The following TMTC1 variants were observed in gnomAD, a reference collection of about 807,000 sequenced individuals.
TMTC1 encodes protein O-mannosyl-transferase TMTC1.
In TMTC1, 73 loss-of-function variants were observed where a neutral mutation model predicts 104.8. The ratio of observed to expected loss-of-function variants is 0.70; its 90% CI spans 0.58 to 0.85. TMTC1 has a LOEUF of 0.85. TMTC1 is among the 40% of genes least tolerant of loss of function. TMTC1 has a pLI of 0.00. For synonymous variants in TMTC1, 434 were observed against 428.7 expected (o/e 1.01, Z -0.15); for missense variants, 1,035 against 1,096.1 (o/e 0.94, Z 0.79).
chr12:29,728,563 A>G (rs1452522549), intron 5 of TMTC1, among the ~76,000 whole-genome samples: 2 of 152,132 alleles, frequency 1.3e-5, no homozygotes, highest in African/African-American at 4.8e-5. Context: ...CTCTAACCTA[A>G]GTCCTCTATC....
chr12:29,546,444 A>G (rs995897037), intron 10 of TMTC1, among the ~76,000 whole-genome samples: 48 of 152,178 alleles, frequency 3.2e-4, no homozygotes, highest in Non-Finnish European at 1.2e-4. Flanking sequence ...GGAGTCACCA[A>G]GAAGGGAAGG....
At chr12:29,754,266 T>C (rs567947106) in intron 4 of TMTC1, among the ~76,000 whole-genome samples, 1 of 151,018 alleles carries the variant, frequency 6.6e-6, no homozygotes, top group African/African-American at 2.4e-5. Flanking sequence ...CCATTTAGTA[T>C]GATGAAGGTA....
chr12:29,658,900 T>G (rs1565746347), intron 5 of TMTC1: 1 of 152,224 alleles, frequency 6.6e-6, no homozygotes, highest in Non-Finnish European at 1.5e-5. Flanking sequence ...GTATTAAAAC[T>G]GTCAAATATA....
chr12:29,682,677 C>T lies in TMTC1; in HGVS notation c.939-49341G>A, dbSNP rs151128427. On this transcript the variant is annotated intron_variant, in intron 5 of 17. Transcript: ENST00000539277. Reference sequence around the variant, plus strand: ...ACCACATAATGTATGATTCCATTTACATCACATTCTCAAAGTGACACAAGT... The same window carrying T: ...ACCACATAATGTATGATTCCATTTATATCACATTCTCAAAGTGACACAAGT... Among the ~76,000 whole-genome samples, 3 of 152,270 alleles carry T rather than the reference C, an allele frequency of 2.0e-5. No homozygotes were observed. The East Asian group carries it at 5.8e-4, about 29-fold the overall frequency.
At chr12:29,618,704 G>C (rs897821881) in intron 6 of TMTC1, among the ~76,000 whole-genome samples, 1 of 152,050 alleles carries the variant, frequency 6.6e-6, no homozygotes, top group African/African-American at 2.4e-5. Flanking sequence ...TGTGTTTCCA[G>C]TAGGCTTTTT....
At chr12:29,609,200 A>G (rs1424680768) in intron 6 of TMTC1, among the ~76,000 whole-genome samples, 2 of 152,146 alleles carry the variant, frequency 1.3e-5, no homozygotes, top group East Asian at 3.8e-4. Flanking sequence ...GATTCTAAGT[A>G]TTGCATAGTT....
In TMTC1 at chr12:29,637,345, G is replaced by A. The variant is rs1041752694; in HGVS notation, c.939-4009C>T. ...ATAATCTGTCAAATATCTCTGCCCC[G>A]CTGTGTTATCTTTTTTAAAGCAAGT... On this transcript the variant is annotated intron_variant, in intron 5 of 17. Coordinates refer to ENST00000539277, the MANE Select transcript of TMTC1 (RefSeq NM_001193451.2). 5.9e-5 allele frequency among the ~76,000 whole-genome samples: 9 copies of A among 152,146 alleles called. No homozygotes were observed. The South Asian group carries it at 6.2e-4, about 11-fold the overall frequency.
chr12:29,628,180 TC>T (rs1352880242), intron 6 of TMTC1, among the ~76,000 whole-genome samples: 1 of 152,224 alleles, frequency 6.6e-6, no homozygotes, highest in African/African-American at 2.4e-5. Context: ...GCATGTTTTC[TC>T]CTACTTATCT....
At chr12:29,729,593 C>A (rs1942492675) in intron 5 of TMTC1, among the ~76,000 whole-genome samples, 1 of 152,142 alleles carries the variant, frequency 6.6e-6, no homozygotes, top group Non-Finnish European at 1.5e-5. Context: ...ATGACTTCTG[C>A]AGGACTCTTG....
At chr12:29,732,097 C>T (rs1942559512) in intron 5 of TMTC1, among the ~76,000 whole-genome samples, 2 of 152,102 alleles carry the variant, frequency 1.3e-5, no homozygotes, top group African/African-American at 2.4e-5. Context: ...CCTAGAAAGA[C>T]TTCAAAATCT....
chr12:29,703,203 G>A (rs1230312950), intron 5 of TMTC1, among the ~76,000 whole-genome samples: 6 of 151,514 alleles, frequency 4.0e-5, no homozygotes, highest in South Asian at 4.2e-4. Context: ...CAGCATGAAC[G>A]GGTGGCAGGA....
intron 5 of TMTC1, among the ~76,000 whole-genome samples, chr12:29,701,251 G>C (rs2136798033): frequency 6.6e-6 from 1 of 152,266 alleles, no homozygotes; most frequent in Non-Finnish European, 1.5e-5. Flanking sequence ...TGCCACTGAG[G>C]CTTCCTGCTG....
chr12:29,573,295 A>C (rs1945732426), intron 8 of TMTC1, among the ~76,000 whole-genome samples: 2 of 152,298 alleles, frequency 1.3e-5, no homozygotes, highest in African/African-American at 4.8e-5. Context: ...AAAAGGCAAA[A>C]GTTAATGCAG....
At chr12:29,514,681 CT>C in intron 15 of TMTC1, 77 bp from the exon 16 acceptor site, 3 of 1,478,036 alleles carry the variant, frequency 2.0e-6, no homozygotes, top group Admixed American at 2.1e-5. Flanking sequence ...CAAATTTATA[CT>C]TTTTGTTCCT....
chr12:29,666,221 CTTTTTTCTTTTTT>C (rs1489487045), intron 5 of TMTC1: 2 of 395,974 alleles, frequency 5.1e-6, no homozygotes, highest in South Asian at 1.8e-5. Context: ...TTCTTTTTTT[CTTTTTTCTTTTTT>C]TTTTTTTTTT....
chr12:29,659,508 T>G (rs775316165), intron 5 of TMTC1, among the ~76,000 whole-genome samples: 15 of 152,182 alleles, frequency 9.9e-5, no homozygotes, highest in Non-Finnish European at 1.5e-4. Flanking sequence ...TCTTCGGCCA[T>G]GAATGGAAGC....
chr12:29,594,610 T>G (rs955642760), intron 7 of TMTC1, among the ~76,000 whole-genome samples: 1 of 152,218 alleles, frequency 6.6e-6, no homozygotes, highest in South Asian at 2.1e-4. Flanking sequence ...AGATGTATTC[T>G]CTAAGAGAAA....
intron 9 of TMTC1, among the ~76,000 whole-genome samples, chr12:29,565,473 T>G (rs1405352112): frequency 1.3e-5 from 2 of 152,238 alleles, no homozygotes; most frequent in African/African-American, 4.8e-5. Flanking sequence ...TTTAGGATCT[T>G]CTGCTATTGA....
At chr12:29,701,622 A>T (rs1187058604) in intron 5 of TMTC1, among the ~76,000 whole-genome samples, 1 of 152,128 alleles carries the variant, frequency 6.6e-6, no homozygotes. Context: ...AATCTCTTTT[A>T]TGTCTAATCC....
Sources: allele counts gnomAD v4.1 joint callset (sites outside exome capture counted in the v4.1 genomes callset), GRCh38; gene constraint gnomAD v4.1.1; transcripts MANE v1.5; gene names NCBI Gene and HGNC (gene_info 2026-07-23, HGNC 2026-07-21).